KATNAL1: variants seen among roughly 807,000 people sequenced by gnomAD.
The protein encoded by KATNAL1 is katanin p60 ATPase-containing subunit A-like 1.
KATNAL1 carries 32 observed loss-of-function variants against 55.2 expected under a neutral mutation model. That is an observed-to-expected ratio of 0.58 (90% CI 0.44 to 0.78). The LOEUF is 0.78. KATNAL1 is among the 30% of genes least tolerant of loss of function. The pLI, the probability that KATNAL1 is intolerant of heterozygous loss-of-function variation, is 0.00. For missense variants in KATNAL1, 466 were observed against 600.9 expected, an observed-to-expected ratio of 0.78 and a Z score of 2.35; for synonymous variants, 193 against 193.6, an observed-to-expected ratio of 1.00 and a Z score of 0.02.
In KATNAL1 at chr13:30,267,944, C is replaced by T. The variant is rs113913282; in HGVS notation, c.323+12119G>A. 1.2e-3 allele frequency among the ~76,000 whole-genome samples: 180 copies of T among 152,288 alleles called. 1 individual carries two copies. The highest frequency in any genetic ancestry group is 4.1e-3 in the African/African-American group (172 of 41,556). The stretch of plus-strand genomic sequence containing the variant: ...TTGAATTGAGACTACCACATAAAGC[C>T]AGGACCCTCAAAGGACAACCACCTT... On this transcript the variant is annotated intron_variant, in intron 3 of 10. Coordinates refer to ENST00000380615, the MANE Select transcript of KATNAL1 (RefSeq NM_032116.5).
chr13:30,242,979 T>A (rs1278648842), intron 4 of KATNAL1, among the ~76,000 whole-genome samples: 2 of 152,138 alleles, frequency 1.3e-5, no homozygotes, highest in African/African-American at 2.4e-5. Context: ...CTAGATTAAA[T>A]GCAATACCTA....
intron 7 of KATNAL1, 127 bp from the exon 8 acceptor site, chr13:30,230,721 G>A (rs1364147738): frequency 1.5e-6 from 1 of 672,184 alleles, no homozygotes; most frequent in Non-Finnish European, 2.4e-6. Flanking sequence ...CCATCATCTG[G>A]TTATGGCAAA....
chr13:30,238,706 C>A (rs1304078721), intron 6 of KATNAL1, among the ~76,000 whole-genome samples: 1 of 152,184 alleles, frequency 6.6e-6, no homozygotes, highest in East Asian at 1.9e-4. Context: ...CCATTAGGCT[C>A]TGCTAGTGCC....
intron 3 of KATNAL1, among the ~76,000 whole-genome samples, chr13:30,257,617 C>A (rs1398353515): frequency 6.6e-6 from 1 of 152,182 alleles, no homozygotes; most frequent in Non-Finnish European, 1.5e-5. Context: ...GCCTAGGAGT[C>A]CTGCTGTAGT....
At chr13:30,274,891 ACGCG>A (rs138328965) in intron 3 of KATNAL1, among the ~76,000 whole-genome samples, 1,286 of 122,106 alleles carry the variant, frequency 0.011, 10 homozygotes, top group African/African-American at 0.015. Context: ...GCACACACAT[ACGCG>A]CGCGCGCGCG....
intron 9 of KATNAL1, among the ~76,000 whole-genome samples, chr13:30,225,658 A>G (rs1196131410): frequency 1.7e-5 from 2 of 115,082 alleles, no homozygotes; most frequent in African/African-American, 3.0e-5. Flanking sequence ...ACACACACAC[A>G]CACACACACA....
chr13:30,252,834 C>T (rs1878446227), intron 4 of KATNAL1, among the ~76,000 whole-genome samples: 4 of 151,986 alleles, frequency 2.6e-5, no homozygotes. Flanking sequence ...CCTCTGCCTC[C>T]CTCCCAGGTT....
At chr13:30,273,106 T>C (rs1354143299) in intron 3 of KATNAL1, among the ~76,000 whole-genome samples, 1 of 152,202 alleles carries the variant, frequency 6.6e-6, no homozygotes, top group African/African-American at 2.4e-5. Context: ...CCATGCATCA[T>C]CAACTTTCCT....
chr13:30,306,364 C>A (rs983137017), intron 1 of KATNAL1, among the ~76,000 whole-genome samples: 1 of 152,088 alleles, frequency 6.6e-6, no homozygotes, highest in Non-Finnish European at 1.5e-5. Flanking sequence ...ATTATTGCTG[C>A]CTACTGCTAA....
intron 6 of KATNAL1, among the ~76,000 whole-genome samples, chr13:30,238,226 A>G (rs1205939580): frequency 5.9e-5 from 9 of 152,170 alleles, no homozygotes; most frequent in Admixed American, 2.0e-4. Context: ...CCACTAATTT[A>G]TATTTTCAAC....
At chr13:30,272,025 T>C (rs555830872) in intron 3 of KATNAL1, among the ~76,000 whole-genome samples, 1 of 152,282 alleles carries the variant, frequency 6.6e-6, no homozygotes, top group South Asian at 2.1e-4. Flanking sequence ...TTTTCATTAT[T>C]AAGTGAGGAA....
intron 6 of KATNAL1, among the ~76,000 whole-genome samples, chr13:30,235,237 C>T (rs570136458): frequency 2.0e-5 from 3 of 152,192 alleles, no homozygotes; most frequent in Non-Finnish European, 2.9e-5. Context: ...GCAGGCTGTA[C>T]GGGAAGCATG....
intron 1 of KATNAL1, among the ~76,000 whole-genome samples, chr13:30,290,506 T>C (rs1882065927): frequency 6.6e-6 from 1 of 152,220 alleles, no homozygotes; most frequent in Non-Finnish European, 1.5e-5. Context: ...TATCAATTAA[T>C]GAAATTGAAT....
Position 30,203,482 on chromosome 13 carries a change from T to C in KATNAL1, c.*5058A>G, listed in dbSNP as rs1872853194. ...CAGATATGGTAAAGTAAAAGTGCATTTTATAGTTTCGAACAATCAAATGGG... is the reference window on the plus strand; with the variant it reads ...CAGATATGGTAAAGTAAAAGTGCATCTTATAGTTTCGAACAATCAAATGGG... On this transcript the variant is annotated 3_prime_UTR_variant, in exon 11 of 11. Coordinates refer to ENST00000380615, the MANE Select transcript of KATNAL1 (RefSeq NM_032116.5). 6.6e-6 allele frequency: 1 copy of C among 152,186 alleles called. No homozygotes were observed. Among genetic ancestry groups the C allele is most frequent in the African/African-American group, 2.4e-5 (1 of 41,456 alleles). 9.4% of individuals were successfully genotyped at this position (152,186 alleles called of 1,614,324 possible). A position where few individuals can be genotyped will look rare whatever the true frequency, so the allele number is the denominator to read the frequency against.
At chr13:30,216,878 CTGTA>C (rs1874314671) in intron 9 of KATNAL1, among the ~76,000 whole-genome samples, 1 of 152,208 alleles carries the variant, frequency 6.6e-6, no homozygotes, top group Non-Finnish European at 1.5e-5. Flanking sequence ...TAGAATACCA[CTGTA>C]TGTGTAAATC....
intron 9 of KATNAL1, among the ~76,000 whole-genome samples, chr13:30,223,614 C>T (rs1157057490): frequency 2.0e-5 from 3 of 152,040 alleles, no homozygotes; most frequent in African/African-American, 7.2e-5. Flanking sequence ...CTCAGAGATA[C>T]AGAGGCATTG....
intron 4 of KATNAL1, among the ~76,000 whole-genome samples, chr13:30,250,065 C>T (rs141759155): frequency 6.6e-6 from 1 of 152,122 alleles, no homozygotes; most frequent in South Asian, 2.1e-4. Context: ...ATGGTGGAAA[C>T]ACCATAGAAT....
intron 1 of KATNAL1, among the ~76,000 whole-genome samples, chr13:30,291,932 G>T (rs1882161019): frequency 6.6e-6 from 1 of 152,138 alleles, no homozygotes. Flanking sequence ...CTACTCGGGA[G>T]GCTGAGGCAG....
At chr13:30,225,629 T>C (rs1027421893) in intron 9 of KATNAL1, among the ~76,000 whole-genome samples, 8 of 141,998 alleles carry the variant, frequency 5.6e-5, no homozygotes, top group African/African-American at 1.9e-4. Flanking sequence ...CATATACATA[T>C]GAAAAAAATG....
Sources: allele counts gnomAD v4.1 joint callset (sites outside exome capture counted in the v4.1 genomes callset), GRCh38; gene constraint gnomAD v4.1.1; transcripts MANE v1.5; gene names NCBI Gene and HGNC (gene_info 2026-07-23, HGNC 2026-07-21).